ERC2: variants seen among roughly 807,000 people sequenced by gnomAD.
The protein encoded by ERC2 is ELKS/RAB6-interacting/CAST family member 2, also known as ERC protein 2.
In ERC2, 42 loss-of-function variants were observed where a neutral mutation model predicts 114.8. That is an observed-to-expected ratio of 0.37 (90% CI 0.29 to 0.47). The LOEUF is 0.47. Ranked by LOEUF, ERC2 falls within the 20% of genes least tolerant of loss-of-function variation. ERC2 has a pLI of 0.99. For synonymous variants in ERC2, 454 were observed against 425.5 expected (o/e 1.07, Z -0.82); for missense variants, 939 against 1,150.7 (o/e 0.82, Z 2.66).
chr3:56,251,029 G>T (rs1159633556), intron 3 of ERC2, among the ~76,000 whole-genome samples: 1 of 152,218 alleles, frequency 6.6e-6, no homozygotes. Flanking sequence ...CCTGGAGAGT[G>T]AGACCTTCTG....
rs1333788920 is a variant in ERC2 at position 56,399,224 on chromosome 3, A to G, written c.657+35127T>C. Among the ~76,000 whole-genome samples the G allele has an allele frequency of 4.6e-5, 7 of 152,360 alleles. No individual in the cohort carries two copies. The South Asian group carries it at 1.2e-3, about 27-fold the overall frequency. On this transcript the variant is annotated intron_variant, in intron 2 of 17. Coordinates refer to ENST00000288221, the MANE Select transcript of ERC2 (RefSeq NM_015576.3). ...CTACAGAGGTTACAGTAAATGCTTC[A>G]ATCCAAAACCATTAGAGCCTGCGTA...
chr3:56,370,824 C>T (rs1322321733), intron 2 of ERC2, among the ~76,000 whole-genome samples: 3 of 152,122 alleles, frequency 2.0e-5, no homozygotes, highest in East Asian at 1.9e-4. Flanking sequence ...AAACTCCTGA[C>T]GTCAGGTGAT....
intron 3 of ERC2, among the ~76,000 whole-genome samples, chr3:56,278,334 T>C (rs2054141277): frequency 6.6e-6 from 1 of 152,162 alleles, no homozygotes; most frequent in Admixed American, 6.5e-5. Context: ...CATGCGAAGA[T>C]ATGGGAAGGG....
chr3:56,222,162 G>T (rs1353452367), intron 3 of ERC2, among the ~76,000 whole-genome samples: 1 of 152,070 alleles, frequency 6.6e-6, no homozygotes, highest in African/African-American at 2.4e-5. Context: ...AATTACTGAG[G>T]GTACTACATC....
At chr3:56,374,882 G>T (rs528924246) in intron 2 of ERC2, among the ~76,000 whole-genome samples, 11 of 152,116 alleles carry the variant, frequency 7.2e-5, no homozygotes, top group Non-Finnish European at 1.6e-4. Flanking sequence ...GATTATCTCA[G>T]TCTTTTATTT....
At chr3:55,727,291 T>A (rs1380932366) in intron 15 of ERC2, among the ~76,000 whole-genome samples, 1 of 152,194 alleles carries the variant, frequency 6.6e-6, no homozygotes, top group Admixed American at 6.5e-5. Flanking sequence ...GATTCCCAAT[T>A]GAGGCCCTCT....
At chr3:55,767,936 G>T (rs1049567855) in intron 14 of ERC2, among the ~76,000 whole-genome samples, 1 of 152,170 alleles carries the variant, frequency 6.6e-6, no homozygotes, top group South Asian at 2.1e-4. Flanking sequence ...TGGAGGAGGG[G>T]CCTGGTGGGA....
Position 56,122,682 on chromosome 3 carries a change from A to G in ERC2, c.1473+16827T>C, listed in dbSNP as rs139876498. On this transcript the variant is annotated intron_variant, in intron 6 of 17. Transcript: ENST00000288221. ...CACAGGTACCCAGAAAACTGTAGGC[A>G]ATAGGATGGCCAGGTCTTGGGGAGA... Among the ~76,000 whole-genome samples, 14 of 152,268 alleles carry G rather than the reference A, an allele frequency of 9.2e-5. No homozygotes were observed. In the East Asian group the frequency reaches 2.7e-3, roughly 29 times the overall value.
chr3:56,384,915 C>T (rs1267674612), intron 2 of ERC2, among the ~76,000 whole-genome samples: 1 of 152,014 alleles, frequency 6.6e-6, no homozygotes. Flanking sequence ...TCCAGTTTTT[C>T]CAACAACAGT....
At position 56,216,319 on chromosome 3, in the gene ERC2, C is replaced by T. The variant is rs145805356; in HGVS notation, c.1075-42799G>A. Among the ~76,000 whole-genome samples the T allele has an allele frequency of 2.5e-3, 379 of 152,196 alleles. 2 individuals are homozygous for T. The highest frequency in any genetic ancestry group is 8.5e-3 in the African/African-American group (351 of 41,520). ...AAAATGATAAAGGGGATATCACCAC[C>T]GATCCCACAGAAATGCAGACTACCA... is the stretch of plus-strand genomic sequence containing the variant. On this transcript the variant is annotated intron_variant, in intron 3 of 17. Coordinates refer to ENST00000288221, the MANE Select transcript of ERC2 (RefSeq NM_015576.3).
intron 15 of ERC2, among the ~76,000 whole-genome samples, chr3:55,724,470 A>C (rs1290535062): frequency 6.6e-6 from 1 of 152,218 alleles, no homozygotes; most frequent in Non-Finnish European, 1.5e-5. Context: ...TGTGAGTCCC[A>C]TTTGGGCTCT....
At chr3:56,216,366 T>G (rs1298857121) in intron 3 of ERC2, among the ~76,000 whole-genome samples, 1 of 152,026 alleles carries the variant, frequency 6.6e-6, no homozygotes, top group Non-Finnish European at 1.5e-5. Context: ...TACAAACACC[T>G]CTACACAAAT....
intron 3 of ERC2, among the ~76,000 whole-genome samples, chr3:56,176,614 A>G (rs1235782895): frequency 6.6e-6 from 1 of 152,204 alleles, no homozygotes; most frequent in Non-Finnish European, 1.5e-5. Flanking sequence ...ATATTTTTCA[A>G]TCCTGACTTC....
intron 17 of ERC2, among the ~76,000 whole-genome samples, chr3:55,664,729 G>C (rs1309296532): frequency 1.3e-5 from 2 of 152,158 alleles, no homozygotes; most frequent in African/African-American, 4.8e-5. Context: ...AGCTTCAGGC[G>C]AGGTTGTGGG....
chr3:55,644,235 T>C (rs1416523690), intron 17 of ERC2, among the ~76,000 whole-genome samples: 1 of 151,984 alleles, frequency 6.6e-6, no homozygotes. Flanking sequence ...CTCTTCAACT[T>C]AAAAAGAAAA....
chr3:55,551,117 T>C (rs1272385051), intron 17 of ERC2, among the ~76,000 whole-genome samples: 1 of 151,742 alleles, frequency 6.6e-6, no homozygotes, highest in Non-Finnish European at 1.5e-5. Context: ...TGTGTGTATA[T>C]GTGTATAGAT....
At chr3:55,944,590 C>G (rs542012783) in intron 13 of ERC2, among the ~76,000 whole-genome samples, 1 of 152,174 alleles carries the variant, frequency 6.6e-6, no homozygotes, top group Admixed American at 6.5e-5. Context: ...TTGCACTTGG[C>G]TTCTTGGAAC....
At chr3:56,044,998 G>A (rs1048415967) in intron 7 of ERC2, among the ~76,000 whole-genome samples, 1 of 152,164 alleles carries the variant, frequency 6.6e-6, no homozygotes, top group Non-Finnish European at 1.5e-5. Context: ...ATAGTAACAT[G>A]TGCTAGAAAT....
At chr3:56,222,487 A>G (rs1018656092) in intron 3 of ERC2, among the ~76,000 whole-genome samples, 1 of 152,142 alleles carries the variant, frequency 6.6e-6, no homozygotes, top group African/African-American at 2.4e-5. Context: ...ATTCTCAACT[A>G]CAACACCATT....
Sources: gnomAD v4.1 joint callset for allele counts (sites outside exome capture counted in the v4.1 genomes callset) on GRCh38, gnomAD v4.1.1 for gene constraint, MANE v1.5 for transcripts, NCBI Gene and HGNC (gene_info 2026-07-23, HGNC 2026-07-21) for gene names.